The following ADAMTS12 variants were observed in gnomAD, a reference collection of about 807,000 sequenced individuals.
ADAMTS12 encodes ADAM metallopeptidase with thrombospondin type 1 motif 12.
A neutral mutation model predicts 167.8 loss-of-function variants in ADAMTS12; 118 were observed. The ratio of observed to expected loss-of-function variants is 0.70; its 90% CI spans 0.61 to 0.82. The LOEUF (loss-of-function observed/expected upper bound fraction) is 0.82. ADAMTS12 is among the 40% of genes least tolerant of loss of function. The pLI, the probability that ADAMTS12 is intolerant of heterozygous loss-of-function variation, is 0.00. For missense variants in ADAMTS12, 1,916 were observed against 1,998.8 expected, an observed-to-expected ratio of 0.96 and a Z score of 0.79; for synonymous variants, 704 against 716.9, an observed-to-expected ratio of 0.98 and a Z score of 0.29.
intron 2 of ADAMTS12, among the ~76,000 whole-genome samples, chr5:33,862,649 T>C (rs991753927): frequency 3.3e-5 from 5 of 152,170 alleles, no homozygotes; most frequent in African/African-American, 1.2e-4. Flanking sequence ...TCTGAAACTA[T>C]TCCAAACAAT....
chr5:33,721,752 G>A lies in ADAMTS12; in HGVS notation c.634+29652C>T, dbSNP rs559955705. Among the ~76,000 whole-genome samples, 7 of 152,302 alleles carry A rather than the reference G, an allele frequency of 4.6e-5. No individual in the cohort carries two copies. The South Asian group carries it at 1.5e-3, about 32-fold the overall frequency. On this transcript the variant is annotated intron_variant, in intron 3 of 23. Transcript: ENST00000504830. ...TCAGCTTTCCTGGGTCTATTCCACA[G>A]CCTCTCCCTTCACCACCTGCTTCTT... is the stretch of plus-strand genomic sequence containing the variant.
chr5:33,758,229 G>C (rs1235733583), intron 2 of ADAMTS12, among the ~76,000 whole-genome samples: 2 of 152,048 alleles, frequency 1.3e-5, no homozygotes, highest in African/African-American at 4.8e-5. Flanking sequence ...CACAAGTTAA[G>C]GGTTTCTGTA....
At chr5:33,552,297 A>T (rs1222204007) in intron 20 of ADAMTS12, among the ~76,000 whole-genome samples, 1 of 152,220 alleles carries the variant, frequency 6.6e-6, no homozygotes, top group Non-Finnish European at 1.5e-5. Context: ...GGACTAACAG[A>T]CCAACTCCAT....
At chr5:33,682,111 C>A (rs894709947) in intron 5 of ADAMTS12, among the ~76,000 whole-genome samples, 7 of 152,120 alleles carry the variant, frequency 4.6e-5, no homozygotes, top group African/African-American at 9.7e-5. Context: ...ATGATAAGGC[C>A]AAACCAATGT....
intron 19 of ADAMTS12, among the ~76,000 whole-genome samples, chr5:33,573,791 C>T (rs1484790284): frequency 6.6e-6 from 1 of 152,168 alleles, no homozygotes; most frequent in Admixed American, 6.5e-5. Context: ...AAAGAAACTA[C>T]CAACAGAGTG....
chr5:33,621,417 A>G (rs1270551554), intron 14 of ADAMTS12, among the ~76,000 whole-genome samples: 1 of 151,642 alleles, frequency 6.6e-6, no homozygotes, highest in Non-Finnish European at 1.5e-5. Flanking sequence ...AAAAAAAAAA[A>G]AAGAATATTC....
chr5:33,597,683 A>T (rs1737965680), intron 16 of ADAMTS12, among the ~76,000 whole-genome samples: 1 of 150,310 alleles, frequency 6.7e-6, no homozygotes, highest in South Asian at 2.1e-4. Flanking sequence ...AAAAAGAACA[A>T]TTTTTTTTTT....
chr5:33,718,612 C>G (rs1373413828), intron 3 of ADAMTS12, among the ~76,000 whole-genome samples: 1 of 151,972 alleles, frequency 6.6e-6, no homozygotes, highest in African/African-American at 2.4e-5. Context: ...GTCCTTGATG[C>G]CAAAAAGGTT....
intron 18 of ADAMTS12, 82 bp from the exon 19 acceptor site, chr5:33,577,242 G>T (rs971117167): frequency 4.4e-6 from 7 of 1,588,774 alleles, no homozygotes; most frequent in African/African-American, 4.0e-5. Context: ...ATCAAAACAG[G>T]CCTGATGGAA....
At chr5:33,804,104 G>A (rs1747123985) in intron 2 of ADAMTS12, among the ~76,000 whole-genome samples, 1 of 152,114 alleles carries the variant, frequency 6.6e-6, no homozygotes, top group Non-Finnish European at 1.5e-5. Context: ...AGGACCGAAT[G>A]GGATAATGTA....
intron 3 of ADAMTS12, among the ~76,000 whole-genome samples, chr5:33,714,293 G>T (rs11738966): frequency 0.61 from 92,787 of 151,918 alleles, 29,511 homozygotes; most frequent in Non-Finnish European, 0.69. Flanking sequence ...GCAAGGATGC[G>T]GAAGAAAAGG....
At chr5:33,798,843 T>C (rs905533052) in intron 2 of ADAMTS12, among the ~76,000 whole-genome samples, 5 of 152,186 alleles carry the variant, frequency 3.3e-5, no homozygotes, top group Admixed American at 3.3e-4. Flanking sequence ...TATAGTCACA[T>C]TGGGGGTTAG....
At chr5:33,760,879 CTGTGTGTGTGTGTGTGTGTG>C (rs61110268) in intron 2 of ADAMTS12, among the ~76,000 whole-genome samples, 3 of 145,468 alleles carry the variant, frequency 2.1e-5, no homozygotes, top group South Asian at 2.2e-4. Flanking sequence ...TGTCTTTGCT[CTGTGTGTGTGTGTGTGTGTG>C]TGTGTGTGTG....
At position 33,546,143 on chromosome 5, in the gene ADAMTS12, G is replaced by A; in HGVS notation, c.4362C>T (p.Leu1454=). Residue 1454 remains leucine, a synonymous_variant, in exon 22 of 24, where the codon CTC becomes CTT. Transcript: ENST00000504830. ...ATGTGGGTCTTTTTGTCCAATCACAGAGGCCTCCTGGACAGAACACTCCTC... is the reference window on the plus strand; with the variant it reads ...ATGTGGGTCTTTTTGTCCAATCACAAAGGCCTCCTGGACAGAACACTCCTC... The part of the protein sequence containing the change: ...QERGVFCPGG[L]CDWTKRPTST... 6.2e-7 allele frequency: 1 copy of A among 1,614,000 alleles called. No individual in the cohort carries two copies. The highest frequency in any genetic ancestry group is 1.1e-5 in the South Asian group (1 of 91,068).
chr5:33,597,442 G>A (rs868363363), intron 16 of ADAMTS12, among the ~76,000 whole-genome samples: 10 of 152,106 alleles, frequency 6.6e-5, no homozygotes, highest in Admixed American at 1.3e-4. Context: ...GGAAAGGCCC[G>A]GAGCAATCCA....
intron 2 of ADAMTS12, among the ~76,000 whole-genome samples, chr5:33,760,879 CTG>C (rs61110268): frequency 0.082 from 11,872 of 145,402 alleles, 580 homozygotes; most frequent in South Asian, 0.22. Context: ...TGTCTTTGCT[CTG>C]TGTGTGTGTG....
chr5:33,538,403 GATGAGATT>G (rs1744519270), intron 22 of ADAMTS12, among the ~76,000 whole-genome samples: 1 of 152,170 alleles, frequency 6.6e-6, no homozygotes, highest in African/African-American at 2.4e-5. Flanking sequence ...TACAATCCAA[GATGAGATT>G]TGGGTGGGGA....
chr5:33,767,135 A>G (rs1745563176), intron 2 of ADAMTS12, among the ~76,000 whole-genome samples: 1 of 152,204 alleles, frequency 6.6e-6, no homozygotes, highest in African/African-American at 2.4e-5. Context: ...TTTTAACGAC[A>G]TGGAAAAATA....
chr5:33,623,493 C>T (rs150992206), intron 14 of ADAMTS12, among the ~76,000 whole-genome samples: 196 of 152,324 alleles, frequency 1.3e-3, no homozygotes, highest in African/African-American at 4.6e-3. Flanking sequence ...TGGGAACTGA[C>T]TCTTCCTTGG....
Sources: allele counts gnomAD v4.1 joint callset (sites outside exome capture counted in the v4.1 genomes callset), GRCh38; gene constraint gnomAD v4.1.1; transcripts MANE v1.5; gene names NCBI Gene and HGNC (gene_info 2026-07-23, HGNC 2026-07-21).